The following UST variants were observed in gnomAD, a reference collection of about 807,000 sequenced individuals.
UST encodes uronyl 2-sulfotransferase.
In UST, 21 loss-of-function variants were observed where a neutral mutation model predicts 45.6. That is an observed-to-expected ratio of 0.46 (90% CI 0.33 to 0.66). The LOEUF (loss-of-function observed/expected upper bound fraction) is 0.66. UST is among the 30% of genes least tolerant of loss of function. The pLI, the probability that UST is intolerant of heterozygous loss-of-function variation, is 0.02. For synonymous variants in UST, 215 were observed against 200.6 expected (o/e 1.07, Z -0.61); for missense variants, 463 against 512.4 (o/e 0.90, Z 0.93).
At chr6:148,822,065 T>C (rs557665968) in intron 1 of UST, among the ~76,000 whole-genome samples, 2 of 152,242 alleles carry the variant, frequency 1.3e-5, no homozygotes, top group Non-Finnish European at 2.9e-5. Flanking sequence ...TCTTTAAGGC[T>C]GTCTGGTTTT....
intron 5 of UST, among the ~76,000 whole-genome samples, chr6:148,983,190 G>C (rs1253202750): frequency 6.6e-6 from 1 of 152,206 alleles, no homozygotes; most frequent in Non-Finnish European, 1.5e-5. Context: ...CCAAGAATGT[G>C]CTATTCACCA....
chr6:148,979,391 C>G (rs1781085429), intron 5 of UST, among the ~76,000 whole-genome samples: 1 of 152,218 alleles, frequency 6.6e-6, no homozygotes, highest in Non-Finnish European at 1.5e-5. Flanking sequence ...TTAATTACGG[C>G]AGCAGATGTA....
intron 5 of UST, among the ~76,000 whole-genome samples, chr6:148,998,119 A>G (rs1466890703): frequency 6.6e-6 from 1 of 152,228 alleles, no homozygotes; most frequent in Admixed American, 6.5e-5. Flanking sequence ...TGAGGCTAAG[A>G]CAGTTTCTGT....
chr6:148,786,761 C>T (rs532480143), intron 1 of UST, among the ~76,000 whole-genome samples: 7 of 152,166 alleles, frequency 4.6e-5, no homozygotes, highest in Non-Finnish European at 8.8e-5. Flanking sequence ...TCCAGTAATA[C>T]GATTGCTGGG....
chr6:148,906,408 T>C (rs1779361321), intron 2 of UST, among the ~76,000 whole-genome samples: 1 of 152,122 alleles, frequency 6.6e-6, no homozygotes. Context: ...TCATCATGGG[T>C]GAATATAGCA....
intron 7 of UST, among the ~76,000 whole-genome samples, chr6:149,050,636 A>G (rs1214043709): frequency 6.6e-6 from 1 of 152,256 alleles, no homozygotes; most frequent in Non-Finnish European, 1.5e-5. Context: ...TCAATAAAGT[A>G]TATTCCTCAT....
intron 7 of UST, among the ~76,000 whole-genome samples, chr6:149,069,736 AC>A (rs1222669856): frequency 6.6e-6 from 1 of 152,214 alleles, no homozygotes; most frequent in Non-Finnish European, 1.5e-5. Flanking sequence ...AAATGTATAA[AC>A]CCATTATGCT....
chr6:148,952,080 A>G (rs559816267), intron 3 of UST, among the ~76,000 whole-genome samples: 3 of 152,364 alleles, frequency 2.0e-5, no homozygotes, highest in East Asian at 3.9e-4. Flanking sequence ...GTGCAGAGAA[A>G]TATCTGAATA....
intron 1 of UST, among the ~76,000 whole-genome samples, chr6:148,766,849 G>A (rs1004708756): frequency 2.6e-5 from 4 of 152,278 alleles, no homozygotes; most frequent in South Asian, 2.1e-4. Context: ...ATACAGGGTC[G>A]GAGAGTTTTG....
At chr6:148,924,917 A>G (rs967313725) in intron 2 of UST, among the ~76,000 whole-genome samples, 4 of 152,134 alleles carry the variant, frequency 2.6e-5, no homozygotes, top group Non-Finnish European at 1.5e-5. Context: ...AGGCGTGACT[A>G]TGCCTGCTTG....
intron 2 of UST, among the ~76,000 whole-genome samples, chr6:148,901,806 G>T (rs544518563): frequency 6.6e-6 from 1 of 152,118 alleles, no homozygotes; most frequent in Admixed American, 6.5e-5. Flanking sequence ...TGGTCCACCC[G>T]CCTCGGCCTC....
rs189971249 is a variant in UST, at chr6:148,892,430, G to A, written c.291+5401G>A. Among the ~76,000 whole-genome samples, 99 of 152,318 alleles carry A rather than the reference G, an allele frequency of 6.5e-4. 1 individual carries two copies. The highest frequency in any genetic ancestry group is 3.9e-3 in the Admixed American group (59 of 15,290). On this transcript the variant is annotated intron_variant, in intron 2 of 7. Coordinates refer to ENST00000367463, the MANE Select transcript of UST (RefSeq NM_005715.3). ...CTTTTATATCCTCCAAAAAGATGAT[G>A]TAATACTTTGGGTAATACAATAAGA...
At chr6:148,784,875 A>G (rs746341832) in intron 1 of UST, among the ~76,000 whole-genome samples, 5 of 152,228 alleles carry the variant, frequency 3.3e-5, no homozygotes, top group Non-Finnish European at 7.3e-5. Flanking sequence ...CAGACTCAGG[A>G]AGAGCAGAGC....
At chr6:148,913,067 G>A (rs1779507706) in intron 2 of UST, among the ~76,000 whole-genome samples, 1 of 151,626 alleles carries the variant, frequency 6.6e-6, no homozygotes, top group Non-Finnish European at 1.5e-5. Flanking sequence ...GCACCTTAGA[G>A]ATCTCAAATA....
At chr6:149,043,298 G>T (rs752202974) in intron 7 of UST, among the ~76,000 whole-genome samples, 1 of 150,620 alleles carries the variant, frequency 6.6e-6, no homozygotes, top group Non-Finnish European at 1.5e-5. Context: ...TTTTATAGAG[G>T]TGAGGTCTCA....
rs183634375 is a variant in UST, at chr6:148,934,199, C to T, written c.292-7080C>T. 1.3e-3 allele frequency among the ~76,000 whole-genome samples: 201 copies of T among 152,240 alleles called. No homozygotes were observed. The highest frequency in any genetic ancestry group is 4.5e-3 in the African/African-American group (187 of 41,540). The stretch of plus-strand genomic sequence containing the variant: ...TTCTAGCACCACAGTGTCCTAGGAA[C>T]TTTAACATGAGGATTTGCTGAGTGG... On this transcript the variant is annotated intron_variant, in intron 2 of 7. Transcript: ENST00000367463. This position sits in a 1 kb window ranked among gnomAD's most constrained non-coding sequence, Gnocchi z 4.1.
rs1013519212 is a variant in UST at position 148,998,238 on chromosome 6, A to C, written c.682-20901A>C. Reference sequence around the variant, plus strand: ...AGGAATTCCTGCCATTCTTACAGTCACAAAGCTTCATTTTGGCTGGGAAGA... The same window carrying C: ...AGGAATTCCTGCCATTCTTACAGTCCCAAAGCTTCATTTTGGCTGGGAAGA... On this transcript the variant is annotated intron_variant, in intron 5 of 7. Transcript: ENST00000367463. Among the ~76,000 whole-genome samples the C allele has an allele frequency of 2.0e-5, 3 of 152,346 alleles. No homozygotes were observed. In the East Asian group the frequency reaches 5.8e-4, roughly 29 times the overall value.
intron 1 of UST, among the ~76,000 whole-genome samples, chr6:148,831,324 G>T (rs1173831171): frequency 6.6e-6 from 1 of 152,180 alleles, no homozygotes; most frequent in African/African-American, 2.4e-5. Flanking sequence ...GCCACAGGGT[G>T]TATTTGTGAC....
intron 1 of UST, among the ~76,000 whole-genome samples, chr6:148,771,015 G>C (rs922052524): frequency 2.0e-5 from 3 of 152,082 alleles, no homozygotes. Flanking sequence ...GTAGAACAGA[G>C]TGATGTCACT....
Sources: gnomAD v4.1 joint callset for allele counts (sites outside exome capture counted in the v4.1 genomes callset) on GRCh38, gnomAD v4.1.1 for gene constraint, Gnocchi (gnomAD v3.1) non-coding constraint, MANE v1.5 for transcripts, NCBI Gene and HGNC (gene_info 2026-07-23, HGNC 2026-07-21) for gene names.